Variants in LCLAT1 observed in about 807,000 individuals in gnomAD.
LCLAT1 encodes 1-AGP acyltransferase 8.
A neutral mutation model predicts 30.7 loss-of-function variants in LCLAT1; 11 were observed. The observed-to-expected ratio is 0.36, with a 90% CI of 0.23 to 0.59. The LOEUF (loss-of-function observed/expected upper bound fraction) is 0.59, where lower values mean the gene tolerates loss of function less well. Among genes scored for constraint, LCLAT1 ranks in the 20% least tolerant of loss-of-function variants. LCLAT1 has a pLI of 0.77. For synonymous variants in LCLAT1, 155 were observed against 151.3 expected, an observed-to-expected ratio of 1.02 and a Z score of -0.18; for missense variants, 402 against 458.6, an observed-to-expected ratio of 0.88 and a Z score of 1.13.
chr2:30,616,131 C>CTGAT (rs1667983325), intron 5 of LCLAT1, among the ~76,000 whole-genome samples: 1 of 152,108 alleles, frequency 6.6e-6, no homozygotes, highest in Non-Finnish European at 1.5e-5. Flanking sequence ...ATGTGCACAG[C>CTGAT]TGATAGGGAA....
rs1669392600 is a variant in LCLAT1, at chr2:30,642,879, T to TC, written c.*2260_*2261insC. ...AGTAACTCCAAAAATAATTGTCCTT[T>TC]TTTCTTTCTTTCTTTTTTTACAATA... On this transcript the variant is annotated 3_prime_UTR_variant, in exon 6 of 6. Transcript: ENST00000379509. 2.9e-5 allele frequency: 1 copy of TC among 34,698 alleles called. No homozygotes were observed. The highest frequency in any genetic ancestry group is 4.3e-4 in the Admixed American group (1 of 2,346). 2.1% of individuals were successfully genotyped at this position (34,698 alleles called of 1,614,324 possible). A position where few individuals can be genotyped will look rare whatever the true frequency, so the allele number is the denominator to read the frequency against.
At chr2:30,564,918 A>C (rs1001522980) in intron 4 of LCLAT1, among the ~76,000 whole-genome samples, 3 of 152,154 alleles carry the variant, frequency 2.0e-5, no homozygotes, top group Admixed American at 6.5e-5. Context: ...ATATATGTTA[A>C]TTTGGGAAAA....
rs188946930 is a variant in LCLAT1, at chr2:30,479,237, G to T, written c.-5+31854G>T. On this transcript the variant is annotated intron_variant, in intron 1 of 5. Transcript: ENST00000379509. The stretch of plus-strand genomic sequence containing the variant: ...TGTTTTTTGTTTTTTATTTTCTTTG[G>T]TTTTTTTTTTGGGACAGGGTCTCAT... 2.0e-3 allele frequency among the ~76,000 whole-genome samples: 301 copies of T among 147,558 alleles called. 9 individuals carry two copies. In the East Asian group the frequency reaches 0.057, roughly 28 times the overall value.
chr2:30,580,560 G>T (rs766622775), intron 5 of LCLAT1, among the ~76,000 whole-genome samples: 13 of 152,144 alleles, frequency 8.5e-5, no homozygotes, highest in Admixed American at 7.2e-4. Context: ...CTGATGAAGC[G>T]GAGAGGGCTG....
intron 2 of LCLAT1, among the ~76,000 whole-genome samples, chr2:30,532,471 TA>T (rs1459404001): frequency 6.7e-6 from 1 of 150,288 alleles, no homozygotes; most frequent in East Asian, 2.0e-4. Context: ...CAAGAACTCA[TA>T]AGTCTATAAT....
intron 5 of LCLAT1, among the ~76,000 whole-genome samples, chr2:30,580,992 T>G (rs1206848545): frequency 6.6e-6 from 1 of 152,158 alleles, no homozygotes; most frequent in African/African-American, 2.4e-5. Flanking sequence ...GATGCTTTGC[T>G]GGAAGGCCCT....
intron 1 of LCLAT1, among the ~76,000 whole-genome samples, chr2:30,468,907 C>T (rs1228271026): frequency 1.3e-5 from 2 of 152,108 alleles, no homozygotes; most frequent in Non-Finnish European, 2.9e-5. Flanking sequence ...GCATCCTTAC[C>T]AATGCTTGTT....
chr2:30,538,557 C>T (rs1283733006), intron 3 of LCLAT1, among the ~76,000 whole-genome samples: 1 of 151,948 alleles, frequency 6.6e-6, no homozygotes. Flanking sequence ...ATCGCTTGAA[C>T]CCAGGAGGTG....
chr2:30,575,440 CAT>C (rs1354493673), intron 5 of LCLAT1, among the ~76,000 whole-genome samples: 1 of 152,162 alleles, frequency 6.6e-6, no homozygotes, highest in African/African-American at 2.4e-5. Context: ...CGCATACACA[CAT>C]ATGCACATCT....
intron 3 of LCLAT1, among the ~76,000 whole-genome samples, chr2:30,560,774 T>TA (rs1263787092): frequency 6.6e-6 from 1 of 152,198 alleles, no homozygotes; most frequent in African/African-American, 2.4e-5. Context: ...GCTGAAATAA[T>TA]AAGAGTTTAT....
At chr2:30,597,174 A>G (rs1416690802) in intron 5 of LCLAT1, among the ~76,000 whole-genome samples, 2 of 151,130 alleles carry the variant, frequency 1.3e-5, no homozygotes, top group East Asian at 2.0e-4. Flanking sequence ...TTCTAATTCT[A>G]TGAAGAATGT....
chr2:30,525,384 T>G (rs1685660898), intron 1 of LCLAT1, among the ~76,000 whole-genome samples: 1 of 152,132 alleles, frequency 6.6e-6, no homozygotes, highest in Non-Finnish European at 1.5e-5. Context: ...CCAGAGAATA[T>G]CAATTTCTAA....
intron 3 of LCLAT1, among the ~76,000 whole-genome samples, chr2:30,551,160 T>C (rs1351401338): frequency 6.6e-6 from 1 of 152,196 alleles, no homozygotes; most frequent in Non-Finnish European, 1.5e-5. Context: ...AAATAAATTT[T>C]AAAAGACAAC....
chr2:30,450,197 G>C (rs950137406), intron 1 of LCLAT1, among the ~76,000 whole-genome samples: 1 of 152,228 alleles, frequency 6.6e-6, no homozygotes, highest in African/African-American at 2.4e-5. Context: ...ACAGAGACCT[G>C]TGAGAGCACA....
rs1368534719 is a variant in LCLAT1, at chr2:30,528,293, A to T, written c.165+2538A>T. ...AAGAAATGCTGGTATTTATAGGACA[A>T]GTTACCAAACAAATTCTGCAATAGC... On this transcript the variant is annotated intron_variant, in intron 2 of 5. Coordinates refer to ENST00000379509, the MANE Select transcript of LCLAT1 (RefSeq NM_001002257.3). Among the ~76,000 whole-genome samples, 6 of 152,220 alleles carry T rather than the reference A, an allele frequency of 3.9e-5. No homozygotes were observed. The South Asian group carries it at 1.2e-3, about 32-fold the overall frequency.
chr2:30,523,042 G>A (rs1024663770), intron 1 of LCLAT1, among the ~76,000 whole-genome samples: 2 of 152,028 alleles, frequency 1.3e-5, no homozygotes, highest in Non-Finnish European at 2.9e-5. Flanking sequence ...GCCTTGATAA[G>A]GGAAGCATTA....
chr2:30,562,636 G>A (rs547383044), intron 4 of LCLAT1, among the ~76,000 whole-genome samples: 45 of 152,202 alleles, frequency 3.0e-4, no homozygotes, highest in African/African-American at 8.9e-4. Flanking sequence ...AACTCCAAGC[G>A]GTCATATTAT....
At chr2:30,574,294 A>T (rs549354091) in intron 5 of LCLAT1, among the ~76,000 whole-genome samples, 2 of 152,312 alleles carry the variant, frequency 1.3e-5, no homozygotes, top group African/African-American at 2.4e-5. Flanking sequence ...TGTGAGTCCA[A>T]ACATTGTCCC....
chr2:30,508,122 G>A (rs939301299), intron 1 of LCLAT1, among the ~76,000 whole-genome samples: 24 of 151,820 alleles, frequency 1.6e-4, no homozygotes, highest in African/African-American at 4.6e-4. Context: ...TGTCTTTTGC[G>A]CACTTTTTAA....
Sources: gnomAD v4.1 joint callset for allele counts (sites outside exome capture counted in the v4.1 genomes callset) on GRCh38, gnomAD v4.1.1 for gene constraint, MANE v1.5 for transcripts, NCBI Gene and HGNC (gene_info 2026-07-23, HGNC 2026-07-21) for gene names.